The following EXOC4 variants were observed in gnomAD, a reference collection of about 807,000 sequenced individuals.
The protein encoded by EXOC4 is SEC8-like 1.
In EXOC4, 71 loss-of-function variants were observed where a neutral mutation model predicts 107.2. The ratio of observed to expected loss-of-function variants is 0.66; its 90% CI spans 0.55 to 0.81. The LOEUF (loss-of-function observed/expected upper bound fraction) is 0.81, where lower values mean the gene tolerates loss of function less well. Among genes scored for constraint, EXOC4 ranks in the 30% least tolerant of loss-of-function variants. The pLI is 0.00. For missense variants in EXOC4, 1,108 were observed against 1,189.6 expected, an observed-to-expected ratio of 0.93 and a Z score of 1.01; for synonymous variants, 456 against 441.2, an observed-to-expected ratio of 1.03 and a Z score of -0.42.
At chr7:133,419,623 A>G (rs561163376) in intron 7 of EXOC4, among the ~76,000 whole-genome samples, 1 of 152,202 alleles carries the variant, frequency 6.6e-6, no homozygotes, top group Admixed American at 6.5e-5. Flanking sequence ...TAAGGGGATC[A>G]TAGTCTGATT....
intron 12 of EXOC4, 73 bp from the exon 13 acceptor site, chr7:133,917,510 A>G: frequency 6.8e-7 from 1 of 1,463,006 alleles, no homozygotes; most frequent in Non-Finnish European, 9.4e-7. Context: ...TTCCTGCAGC[A>G]AAGGTAGATG....
chr7:133,354,950 C>T (rs945395546), intron 5 of EXOC4, among the ~76,000 whole-genome samples: 4 of 152,214 alleles, frequency 2.6e-5, no homozygotes, highest in Admixed American at 2.6e-4. Context: ...TTCCTGGTGC[C>T]TCCTACTCTG....
chr7:133,504,482 C>A (rs980730149), intron 9 of EXOC4, among the ~76,000 whole-genome samples: 1 of 151,970 alleles, frequency 6.6e-6, no homozygotes, highest in African/African-American at 2.4e-5. Context: ...TGATAATAAT[C>A]ATATTATCAT....
chr7:133,979,019 C>T (rs1393328552), intron 14 of EXOC4, among the ~76,000 whole-genome samples: 9 of 152,080 alleles, frequency 5.9e-5, no homozygotes, highest in Non-Finnish European at 1.3e-4. Flanking sequence ...GGAAGGTGAA[C>T]GTATTTCCAA....
intron 10 of EXOC4, among the ~76,000 whole-genome samples, chr7:133,736,537 A>G (rs1346437645): frequency 6.6e-6 from 1 of 152,214 alleles, no homozygotes; most frequent in Non-Finnish European, 1.5e-5. Context: ...TAAAGGTTAC[A>G]TCAACAGATT....
At chr7:133,519,850 C>T (rs781022860) in intron 9 of EXOC4, among the ~76,000 whole-genome samples, 4 of 152,118 alleles carry the variant, frequency 2.6e-5, no homozygotes, top group Non-Finnish European at 5.9e-5. Context: ...TCTATAAGAA[C>T]AGTAGGTTCT....
intron 14 of EXOC4, among the ~76,000 whole-genome samples, chr7:133,995,747 G>C (rs1794375643): frequency 6.6e-6 from 1 of 151,998 alleles, no homozygotes; most frequent in Non-Finnish European, 1.5e-5. Context: ...TAATTTATTA[G>C]AGTCTGGTTC....
rs890940757 is a variant in EXOC4, at chr7:133,735,118, C to T, written c.1515-82207C>T. On this transcript the variant is annotated intron_variant, in intron 10 of 17. Transcript: ENST00000253861. Reference sequence around the variant, plus strand: ...GTGTGTGCCTGTAATCCCAGCTACTCGGGAGGCTGAGGCAGGAGAATTGCT... The same window carrying T: ...GTGTGTGCCTGTAATCCCAGCTACTTGGGAGGCTGAGGCAGGAGAATTGCT... 7.9e-4 allele frequency among the ~76,000 whole-genome samples: 108 copies of T among 136,668 alleles called. 4 individuals are homozygous for T. The highest frequency in any genetic ancestry group is 4.7e-4 in the South Asian group (2 of 4,268). The allele number at this position is 136,668 out of a possible 152,430, so 89.7% of individuals were successfully genotyped here. A position where few individuals can be genotyped will look rare whatever the true frequency, so the allele number is the denominator to read the frequency against.
intron 17 of EXOC4, among the ~76,000 whole-genome samples, chr7:134,048,079 A>G (rs1433168677): frequency 6.6e-6 from 1 of 152,202 alleles, no homozygotes; most frequent in Non-Finnish European, 1.5e-5. Context: ...GTTCTCTTGC[A>G]CTGAGACATT....
intron 1 of EXOC4, among the ~76,000 whole-genome samples, chr7:133,266,366 A>C (rs916552079): frequency 2.0e-5 from 3 of 152,164 alleles, no homozygotes; most frequent in Non-Finnish European, 2.9e-5. Context: ...CAACATTTGA[A>C]TTTGGGAGGG....
chr7:133,279,064 G>A lies in EXOC4; in HGVS notation c.276+3893G>A, dbSNP rs369534017. Among the ~76,000 whole-genome samples, 23 of 151,888 alleles carry A rather than the reference G, an allele frequency of 1.5e-4. No homozygotes were observed. In the East Asian group the frequency reaches 2.1e-3, roughly 14 times the overall value. On this transcript the variant is annotated intron_variant, in intron 2 of 17. Transcript: ENST00000253861. ...AATTCCCACCTATGAGTGAGAACAT[G>A]TGGTGTTTGGTTTTTTGTCCTTGCG...
At chr7:133,959,012 G>C (rs924292275) in intron 14 of EXOC4, among the ~76,000 whole-genome samples, 1 of 152,214 alleles carries the variant, frequency 6.6e-6, no homozygotes, top group African/African-American at 2.4e-5. Flanking sequence ...TAAGCACCAG[G>C]ATGGTGCAGG....
chr7:133,909,274 G>A (rs1260441619), intron 12 of EXOC4, among the ~76,000 whole-genome samples: 4 of 152,026 alleles, frequency 2.6e-5, no homozygotes, highest in African/African-American at 9.7e-5. Flanking sequence ...TTGCTTTCGT[G>A]GATTTTACAC....
chr7:134,069,785 T>C (rs113913042), downstream of EXOC4, among the ~76,000 whole-genome samples: 259 of 152,296 alleles, frequency 1.7e-3, no homozygotes, highest in Middle Eastern at 0.01. Flanking sequence ...TTACCATTTC[T>C]TGATGGAACT....
At chr7:133,461,230 TA>T (rs1408955273) in intron 7 of EXOC4, among the ~76,000 whole-genome samples, 2 of 152,288 alleles carry the variant, frequency 1.3e-5, no homozygotes, top group East Asian at 1.9e-4. Context: ...GTGGACTCCT[TA>T]AAGAACAGAA....
intron 11 of EXOC4, among the ~76,000 whole-genome samples, chr7:133,888,409 C>T (rs1799133542): frequency 6.6e-6 from 1 of 152,088 alleles, no homozygotes. Flanking sequence ...ATCAACAAAC[C>T]AGTTATTGAC....
intron 14 of EXOC4, among the ~76,000 whole-genome samples, chr7:133,944,520 A>G (rs1800505290): frequency 6.6e-6 from 1 of 152,178 alleles, no homozygotes; most frequent in Admixed American, 6.5e-5. Flanking sequence ...ATTACTGATG[A>G]TGTCTGGGAT....
intron 9 of EXOC4, among the ~76,000 whole-genome samples, chr7:133,519,979 G>T (rs1046103999): frequency 1.3e-5 from 2 of 152,076 alleles, no homozygotes; most frequent in African/African-American, 4.8e-5. Flanking sequence ...TAGCTAAGTA[G>T]TAAAATATAA....
At chr7:133,445,776 C>T (rs889603913) in intron 7 of EXOC4, among the ~76,000 whole-genome samples, 7 of 151,972 alleles carry the variant, frequency 4.6e-5, no homozygotes, top group African/African-American at 7.3e-5. Context: ...GTTTGGAAGG[C>T]GGAGGTGGGA....
Sources: allele counts gnomAD v4.1 joint callset (sites outside exome capture counted in the v4.1 genomes callset), GRCh38; gene constraint gnomAD v4.1.1; transcripts MANE v1.5; gene names NCBI Gene and HGNC (gene_info 2026-07-23, HGNC 2026-07-21).